ARHGEF18: variants seen among roughly 807,000 people sequenced by gnomAD.
The protein encoded by ARHGEF18 is Rho/Rac guanine nucleotide exchange factor 18.
In ARHGEF18, 93 loss-of-function variants were observed where a neutral mutation model predicts 155.7. The observed-to-expected ratio is 0.60, with a 90% CI of 0.50 to 0.71. The LOEUF (loss-of-function observed/expected upper bound fraction) is 0.71. Among genes scored for constraint, ARHGEF18 ranks in the 30% least tolerant of loss-of-function variants. The probability of loss-of-function intolerance (pLI) is 0.00; values close to 1 mark genes in which losing one functional copy is unlikely to be tolerated. For synonymous variants in ARHGEF18, 742 were observed against 753.1 expected (o/e 0.99, Z 0.24); for missense variants, 1,593 against 1,816.1 (o/e 0.88, Z 2.23).
intron 1 of ARHGEF18, among the ~76,000 whole-genome samples, chr19:7,359,133 G>A (rs1271191430): frequency 6.6e-6 from 1 of 152,132 alleles, no homozygotes; most frequent in Non-Finnish European, 1.5e-5. Flanking sequence ...GTGTGACAGG[G>A]AGGTAAGAGG....
rs566104148 is a variant in ARHGEF18, at chr19:7,463,215, C to T, written c.2636-603C>T. Reference sequence around the variant, plus strand: ...TTTCCGCAGAATAAGACGGCAGAGACGGGGGTCAGTCTTTCTCCCTCCAGG... The same window carrying T: ...TTTCCGCAGAATAAGACGGCAGAGATGGGGGTCAGTCTTTCTCCCTCCAGG... On this transcript the variant is annotated intron_variant, in intron 21 of 28. Transcript: ENST00000668164. The surrounding 1 kb of genome is among the most constrained non-coding windows in gnomAD (Gnocchi z 5.2). Among the ~76,000 whole-genome samples, 8 of 152,278 alleles carry T rather than the reference C, an allele frequency of 5.3e-5. No individual in the cohort carries two copies. In the East Asian group the frequency reaches 1.2e-3, roughly 22 times the overall value.
downstream of ARHGEF18, among the ~76,000 whole-genome samples, chr19:7,473,713 A>G (rs184242383): frequency 0.014 from 2,141 of 150,010 alleles, 49 homozygotes; most frequent in African/African-American, 0.047. Context: ...GGGAGGCTGA[A>G]GCAGGAGAAT....
At chr19:7,476,601 C>T (rs1487574547), downstream of ARHGEF18, among the ~76,000 whole-genome samples, 1 of 152,256 alleles carries the variant, frequency 6.6e-6, no homozygotes. Context: ...GTCGGCAGCA[C>T]AGTGGCATGA....
intron 1 of ARHGEF18, among the ~76,000 whole-genome samples, chr19:7,359,115 G>A (rs924801403): frequency 5.3e-5 from 8 of 152,162 alleles, no homozygotes; most frequent in African/African-American, 1.7e-4. Context: ...TGAGTTGGGT[G>A]TGCATGTGTG....
chr19:7,431,323 C>A (rs899632677), intron 10 of ARHGEF18, among the ~76,000 whole-genome samples: 2 of 151,838 alleles, frequency 1.3e-5, no homozygotes, highest in East Asian at 3.9e-4. Context: ...TCGAAACCAG[C>A]CTGGCCAACA....
At chr19:7,405,400 C>T (rs940731279) in intron 10 of ARHGEF18, among the ~76,000 whole-genome samples, 1 of 152,148 alleles carries the variant, frequency 6.6e-6, no homozygotes, top group Non-Finnish European at 1.5e-5. Context: ...CCTCTCCTTT[C>T]TCTACACAGA....
chr19:7,452,875 A>G (rs2145841859), intron 16 of ARHGEF18, among the ~76,000 whole-genome samples: 1 of 151,936 alleles, frequency 6.6e-6, no homozygotes, highest in East Asian at 2.0e-4. Context: ...TAGCTTCTGC[A>G]TTCGATAGAT....
chr19:7,470,477 GTAGGGT>G lies in ARHGEF18; in HGVS notation c.*183_*188del. 3 of 517,066 alleles carry G rather than the reference GTAGGGT, an allele frequency of 5.8e-6. No individual in the cohort carries two copies. The allele number at this position is 517,066 out of a possible 1,614,324, so 32.0% of individuals were successfully genotyped here. A position where few individuals can be genotyped will look rare whatever the true frequency, so the allele number is the denominator to read the frequency against. On this transcript the variant is annotated 3_prime_UTR_variant, in exon 29 of 29. Transcript: ENST00000668164. The surrounding 1 kb of genome is among the most constrained non-coding windows in gnomAD (Gnocchi z 5.9). ...TGCTCTGGGCCTTGCAGCTGTTTCT[GTAGGGT>G]TAGCGGTGGTGCCGGGGTCACTTTC...
chr19:7,469,921 C>T lies in ARHGEF18; in HGVS notation c.3805C>T (p.Gln1269Ter). 6.2e-7 allele frequency: 1 copy of T among 1,612,960 alleles called. No homozygotes were observed. Among genetic ancestry groups the T allele is most frequent in the Non-Finnish European group, 8.5e-7 (1 of 1,179,848 alleles). The change falls in exon 28 of 29, where the codon CAG becomes TAG. Residue 1269 changes from glutamine to a stop codon, truncating the protein, a stop_gained. Coordinates refer to ENST00000668164, the MANE Select transcript of ARHGEF18 (RefSeq NM_001367823.1). LOFTEE classifies it high-confidence loss of function. ...WESSASFDLK[Q>*]QLLLNKLMGK... The stretch of plus-strand genomic sequence containing the variant: ...TCTTCCAGCGTCCTTCGACCTGAAG[C>T]AGCAGCTGCTGCTCAACAAGCTCAT...
At position 7,350,777 on chromosome 19, in the gene ARHGEF18, T is replaced by G. The variant is rs993642954; in HGVS notation, c.-111+1536T>G. Among the ~76,000 whole-genome samples the G allele has an allele frequency of 1.2e-4, 12 of 96,018 alleles. No individual in the cohort carries two copies. In the East Asian group the frequency reaches 2.8e-3, roughly 22 times the overall value. The allele number at this position is 96,018 out of a possible 152,430, so 63.0% of individuals were successfully genotyped here. On this transcript the variant is annotated intron_variant, in intron 1 of 28. Coordinates refer to ENST00000668164, the MANE Select transcript of ARHGEF18 (RefSeq NM_001367823.1). ...GAGTTTTTTGGGGTGGGTGTGTGTG[T>G]GTGTGTGTGTGTGTGTGTGTGTGTG...
rs142818148 is a variant in ARHGEF18, at chr19:7,453,584, C to T, written c.1973C>T (p.Ala658Val). 6.2e-7 allele frequency: 1 copy of T among 1,613,884 alleles called. No individual in the cohort carries two copies. The highest frequency in any genetic ancestry group is 1.3e-5 in the African/African-American group (1 of 74,936). Residue 658 changes from alanine (A) to valine (V), a missense_variant, in exon 17 of 29, where the codon GCA becomes GTA. Coordinates refer to ENST00000668164, the MANE Select transcript of ARHGEF18 (RefSeq NM_001367823.1). Reference sequence around the variant, plus strand: ...AAGGGCCAGCGCCTCAGGGAGATCGCAGGGAAGATGGACCTGAAGTCTTCC... The same window carrying T: ...AAGGGCCAGCGCCTCAGGGAGATCGTAGGGAAGATGGACCTGAAGTCTTCC... Reference protein sequence around the residue: ...CEKGQRLREIAGKMDLKSSSK... With the variant: ...CEKGQRLREIVGKMDLKSSSK...
intron 10 of ARHGEF18, among the ~76,000 whole-genome samples, chr19:7,397,936 T>G (rs76046311): frequency 0.056 from 8,560 of 152,182 alleles, 771 homozygotes; most frequent in African/African-American, 0.19. Flanking sequence ...ACGTGACATA[T>G]TCTTGAAAAA....
intron 18 of ARHGEF18, among the ~76,000 whole-genome samples, chr19:7,457,443 A>G (rs1287355767): frequency 7.4e-6 from 1 of 135,620 alleles, no homozygotes; most frequent in Admixed American, 8.4e-5. Flanking sequence ...ACTCACTGCA[A>G]CCTCCACCTC....
At chr19:7,352,338 T>G (rs1445080184) in intron 1 of ARHGEF18, among the ~76,000 whole-genome samples, 4 of 151,634 alleles carry the variant, frequency 2.6e-5, no homozygotes, top group Admixed American at 2.6e-4. Context: ...CTTTTAGGGG[T>G]GGCAATCACC....
intron 5 of ARHGEF18, 65 bp from the exon 6 acceptor site, chr19:7,378,329 G>T: frequency 8.3e-7 from 1 of 1,204,996 alleles, no homozygotes; most frequent in East Asian, 3.2e-5. Flanking sequence ...GGAGGGCTCT[G>T]CTGGGCTGGT....
In ARHGEF18 at chr19:7,415,716, G is replaced by A. The variant is rs138980597; in HGVS notation, c.968-24628G>A. ...ACCCACCCACCACATGACAGGCCTC[G>A]TGCCAGCCATGACCACAGAGACCCG... On this transcript the variant is annotated intron_variant, in intron 10 of 28. Coordinates refer to ENST00000668164, the MANE Select transcript of ARHGEF18 (RefSeq NM_001367823.1). 2.1e-4 allele frequency among the ~76,000 whole-genome samples: 32 copies of A among 151,872 alleles called. No homozygotes were observed. In the East Asian group the frequency reaches 5.6e-3, roughly 27 times the overall value.
At chr19:7,409,342 A>AC (rs1301016213) in intron 10 of ARHGEF18, among the ~76,000 whole-genome samples, 1 of 150,948 alleles carries the variant, frequency 6.6e-6, no homozygotes, top group Admixed American at 6.6e-5. Flanking sequence ...AAAAAAAAAA[A>AC]AAAAAGACTT....
the ARHGEF18 span, among the ~76,000 whole-genome samples, chr19:7,478,730 G>T: frequency 6.6e-6 from 1 of 152,238 alleles, no homozygotes; most frequent in Non-Finnish European, 1.5e-5. Flanking sequence ...CAAGAGGCCC[G>T]CAGTTGGACA....
At position 7,395,336 on chromosome 19, in the gene ARHGEF18, C is replaced by CCCGGG. The variant is rs1971637458; in HGVS notation, c.967+12135_967+12136insGGGCC. 1.0e-6 allele frequency: 1 copy of CCCGGG among 983,652 alleles called. No individual in the cohort carries two copies. The highest frequency in any genetic ancestry group is 1.8e-5 in the African/African-American group (1 of 57,120). The allele number at this position is 983,652 out of a possible 1,614,324, so 60.9% of individuals were successfully genotyped here. A position where few individuals can be genotyped will look rare whatever the true frequency, so the allele number is the denominator to read the frequency against. On this transcript the variant is annotated intron_variant, in intron 10 of 28. Transcript: ENST00000668164. The surrounding 1 kb of genome is among the most constrained non-coding windows in gnomAD (Gnocchi z 5.0). The stretch of plus-strand genomic sequence containing the variant: ...CAGGGGGTGGCCTGGGGCGCGGGAC[C>CCCGGG]CCCGGGGCTGCCTCGGGCCTCCCGC...
Sources: allele counts gnomAD v4.1 joint callset (sites outside exome capture counted in the v4.1 genomes callset), GRCh38; gene constraint gnomAD v4.1.1; non-coding constraint Gnocchi (gnomAD v3.1); transcripts MANE v1.5; gene names NCBI Gene and HGNC (gene_info 2026-07-23, HGNC 2026-07-21).